OSBPL1A: variants seen among roughly 807,000 people sequenced by gnomAD.
OSBPL1A encodes oxysterol-binding protein-related protein 1.
In OSBPL1A, 80 loss-of-function variants were observed where a neutral mutation model predicts 137.1. The observed-to-expected ratio is 0.58, with a 90% CI of 0.49 to 0.70. The LOEUF (loss-of-function observed/expected upper bound fraction) is 0.70, where lower values mean the gene tolerates loss of function less well. Ranked by LOEUF, OSBPL1A falls within the 30% of genes least tolerant of loss-of-function variation. The pLI is 0.00. For missense variants in OSBPL1A, 970 were observed against 1,129.4 expected (o/e 0.86, Z 2.02); for synonymous variants, 365 against 389.7 (o/e 0.94, Z 0.75).
chr18:24,381,691 C>T (rs1376628523), intron 1 of OSBPL1A, among the ~76,000 whole-genome samples: 1 of 152,150 alleles, frequency 6.6e-6, no homozygotes, highest in Non-Finnish European at 1.5e-5. Context: ...GGCACAGTTG[C>T]TCACTCTTGT....
chr18:24,324,455 TAAAAAAA>T (rs145135815), intron 7 of OSBPL1A, among the ~76,000 whole-genome samples: 3 of 12,978 alleles, frequency 2.3e-4, no homozygotes, highest in African/African-American at 1.6e-3. Flanking sequence ...CTGAAAAAGT[TAAAAAAA>T]AAAAAAAAAA....
Position 24,375,346 on chromosome 18 carries a change from A to G in OSBPL1A, c.121+2067T>C, listed in dbSNP as rs182112743. Among the ~76,000 whole-genome samples, 606 of 148,126 alleles carry G rather than the reference A, an allele frequency of 4.1e-3. 6 individuals carry two copies. Among genetic ancestry groups the G allele is most frequent in the African/African-American group, 0.015 (591 of 40,252 alleles). ...AAAAAAAAAAAAAAAAAAAAAAGAC[A>G]GAAGTACCCAAAGACTAACGTTTAC... On this transcript the variant is annotated intron_variant, in intron 2 of 27. Coordinates refer to ENST00000319481, the MANE Select transcript of OSBPL1A (RefSeq NM_080597.4).
intron 13 of OSBPL1A, among the ~76,000 whole-genome samples, chr18:24,307,875 C>T (rs796700684): frequency 1.1e-4 from 16 of 150,676 alleles, no homozygotes; most frequent in African/African-American, 3.2e-4. Flanking sequence ...CTGCAGCCTC[C>T]GCCTCGCAGG....
intron 13 of OSBPL1A, among the ~76,000 whole-genome samples, chr18:24,304,771 A>G (rs989139350): frequency 2.0e-5 from 3 of 152,202 alleles, no homozygotes; most frequent in African/African-American, 7.2e-5. Context: ...TAGTGCTTAC[A>G]AAGTTCAACT....
At chr18:24,270,004 C>CA (rs1305448786) in intron 15 of OSBPL1A, among the ~76,000 whole-genome samples, 15 of 152,014 alleles carry the variant, frequency 9.9e-5, no homozygotes, top group Non-Finnish European at 2.2e-4. Flanking sequence ...TAGCTGCTTC[C>CA]AAAATTAATT....
chr18:24,276,335 A>C (rs918702681), intron 15 of OSBPL1A, among the ~76,000 whole-genome samples: 1 of 152,202 alleles, frequency 6.6e-6, no homozygotes, highest in Non-Finnish European at 1.5e-5. Context: ...GTTTCCAAGA[A>C]AACTACCCTA....
At chr18:24,261,675 A>G (rs1172868914) in intron 15 of OSBPL1A, among the ~76,000 whole-genome samples, 2 of 152,180 alleles carry the variant, frequency 1.3e-5, no homozygotes, top group South Asian at 4.2e-4. Flanking sequence ...TCTATAAAAA[A>G]TACAAAAATG....
At chr18:24,247,357 G>C (rs2088927667) in intron 15 of OSBPL1A, among the ~76,000 whole-genome samples, 2 of 152,244 alleles carry the variant, frequency 1.3e-5, no homozygotes, top group Non-Finnish European at 1.5e-5. Context: ...AACTTGACAA[G>C]GGCAGCTTCA....
chr18:24,194,464 T>A (rs981227909), intron 18 of OSBPL1A, among the ~76,000 whole-genome samples: 2 of 152,188 alleles, frequency 1.3e-5, no homozygotes, highest in African/African-American at 2.4e-5. Flanking sequence ...AACTAAGGGT[T>A]TGAAAAATAC....
intron 18 of OSBPL1A, among the ~76,000 whole-genome samples, chr18:24,185,103 A>G (rs2086709445): frequency 6.6e-6 from 1 of 152,226 alleles, no homozygotes; most frequent in South Asian, 2.1e-4. Flanking sequence ...GACATTCTGG[A>G]TAAGACGAAA....
intron 15 of OSBPL1A, among the ~76,000 whole-genome samples, chr18:24,257,601 A>G (rs56005076): frequency 0.27 from 41,687 of 152,088 alleles, 6,934 homozygotes; most frequent in Middle Eastern, 0.43. Context: ...CCACAAGCAC[A>G]GACAACCAAA....
chr18:24,213,081 TAGTC>T (rs1199155557), intron 17 of OSBPL1A, among the ~76,000 whole-genome samples: 1 of 152,200 alleles, frequency 6.6e-6, no homozygotes, highest in Non-Finnish European at 1.5e-5. Flanking sequence ...TCTTACAACT[TAGTC>T]AGAGACGAGG....
At chr18:24,392,254 G>A (rs767434251) in intron 1 of OSBPL1A, among the ~76,000 whole-genome samples, 14 of 152,030 alleles carry the variant, frequency 9.2e-5, no homozygotes, top group Non-Finnish European at 1.3e-4. Context: ...TCCGCCTCCC[G>A]GGTTCAAGTG....
At chr18:24,197,090 G>A (rs557242579) in intron 17 of OSBPL1A, among the ~76,000 whole-genome samples, 25 of 152,320 alleles carry the variant, frequency 1.6e-4, no homozygotes, top group Non-Finnish European at 3.1e-4. Flanking sequence ...GTTCACACCT[G>A]TAATCCCAGC....
At chr18:24,217,351 G>A (rs756068387) in intron 17 of OSBPL1A, among the ~76,000 whole-genome samples, 3 of 148,000 alleles carry the variant, frequency 2.0e-5, no homozygotes, top group Non-Finnish European at 3.0e-5. Context: ...TCCACTTCCC[G>A]AGTTTAAGCG....
chr18:24,254,093 G>A (rs952324754), intron 15 of OSBPL1A, among the ~76,000 whole-genome samples: 1 of 152,138 alleles, frequency 6.6e-6, no homozygotes, highest in Admixed American at 6.6e-5. Flanking sequence ...AGATGGAGTT[G>A]GTTAGGTCTT....
intron 15 of OSBPL1A, among the ~76,000 whole-genome samples, chr18:24,270,136 T>C (rs949674698): frequency 3.3e-5 from 5 of 152,218 alleles, no homozygotes; most frequent in Admixed American, 3.3e-4. Context: ...ATATTTCTTA[T>C]AATTCTCAGA....
At chr18:24,231,431 T>C (rs2088274842) in intron 16 of OSBPL1A, among the ~76,000 whole-genome samples, 1 of 152,128 alleles carries the variant, frequency 6.6e-6, no homozygotes, top group South Asian at 2.1e-4. Flanking sequence ...TAGCTGGGAT[T>C]ACAGGCGCCC....
intron 15 of OSBPL1A, among the ~76,000 whole-genome samples, chr18:24,261,104 G>A (rs1298419019): frequency 6.6e-6 from 1 of 152,084 alleles, no homozygotes; most frequent in Non-Finnish European, 1.5e-5. Flanking sequence ...TCAGCGACAT[G>A]GATGAACCTC....
Sources: allele counts gnomAD v4.1 joint callset (sites outside exome capture counted in the v4.1 genomes callset), GRCh38; gene constraint gnomAD v4.1.1; transcripts MANE v1.5; gene names NCBI Gene and HGNC (gene_info 2026-07-23, HGNC 2026-07-21).